Variants in WDR70 observed in about 807,000 individuals in gnomAD.
WDR70 encodes the protein WD repeat domain 70.
WDR70 carries 53 observed loss-of-function variants against 88.6 expected under a neutral mutation model. The observed-to-expected ratio is 0.60, with a 90% CI of 0.48 to 0.75. WDR70 has a LOEUF of 0.75. WDR70 is among the 30% of genes least tolerant of loss of function. WDR70 has a pLI of 0.00. For synonymous variants in WDR70, 280 were observed against 270.0 expected (o/e 1.04, Z -0.36); for missense variants, 610 against 823.2 (o/e 0.74, Z 3.17).
intron 10 of WDR70, among the ~76,000 whole-genome samples, chr5:37,649,537 A>T (rs1392778036): frequency 6.7e-6 from 1 of 150,268 alleles, no homozygotes; most frequent in Non-Finnish European, 1.5e-5. Context: ...GGGAAGCATC[A>T]TGGGAAGTGG....
intron 8 of WDR70, among the ~76,000 whole-genome samples, chr5:37,515,650 A>G (rs920988696): frequency 3.3e-5 from 5 of 152,142 alleles, no homozygotes; most frequent in African/African-American, 1.2e-4. Context: ...AGTTACTGTT[A>G]TTTTTCTTGT....
At chr5:37,447,578 A>C (rs4869507) in intron 7 of WDR70, among the ~76,000 whole-genome samples, 130,415 of 152,068 alleles carry the variant, frequency 0.86, 59,402 homozygotes, top group East Asian at 1. Flanking sequence ...AAAATGTTGC[A>C]CATATACACC....
chr5:37,742,998 A>G lies in WDR70; in HGVS notation c.1878-9488A>G, dbSNP rs186285551. Among the ~76,000 whole-genome samples the G allele has an allele frequency of 1.1e-4, 16 of 152,364 alleles. No homozygotes were observed. The East Asian group carries it at 3.1e-3, about 29-fold the overall frequency. On this transcript the variant is annotated intron_variant, in intron 17 of 17. Transcript: ENST00000265107. Reference sequence around the variant, plus strand: ...GTGATGCCTTGAAATATCACATGAAATATTACGGGCAGGGCCAAGATGGCC... The same window carrying G: ...GTGATGCCTTGAAATATCACATGAAGTATTACGGGCAGGGCCAAGATGGCC...
At chr5:37,506,727 T>G in intron 8 of WDR70, 1 of 897,658 alleles carries the variant, frequency 1.1e-6, no homozygotes, top group Non-Finnish European at 1.9e-6. Context: ...ACCTTTCTCA[T>G]TATACACACT....
At chr5:37,690,799 A>G (rs1746768518) in intron 10 of WDR70, among the ~76,000 whole-genome samples, 1 of 152,266 alleles carries the variant, frequency 6.6e-6, no homozygotes, top group African/African-American at 2.4e-5. Context: ...AAACTGCATC[A>G]ATTAATGGAC....
At chr5:37,529,063 A>G (rs1581369563) in intron 9 of WDR70, among the ~76,000 whole-genome samples, 1 of 152,066 alleles carries the variant, frequency 6.6e-6, no homozygotes, top group Non-Finnish European at 1.5e-5. Context: ...TCCAAGCACC[A>G]TTTATTGAAT....
intron 3 of WDR70, among the ~76,000 whole-genome samples, chr5:37,385,198 A>G (rs72736794): frequency 0.03 from 4,629 of 152,084 alleles, 95 homozygotes; most frequent in Non-Finnish European, 0.049. Flanking sequence ...GTGTTCAGCT[A>G]CCCTGAAGCT....
chr5:37,421,069 G>A (rs1406595535), intron 5 of WDR70, among the ~76,000 whole-genome samples: 4 of 152,216 alleles, frequency 2.6e-5, no homozygotes, highest in Non-Finnish European at 5.9e-5. Context: ...GTGAAGTGGA[G>A]GTACAGTTAT....
chr5:37,415,497 GGGT>G (rs1235768856), intron 5 of WDR70, among the ~76,000 whole-genome samples: 5,302 of 67,198 alleles, frequency 0.079, 1,088 homozygotes, highest in African/African-American at 0.31. Context: ...GGGCGGCTGG[GGGT>G]GGGGGGGGCC....
intron 13 of WDR70, among the ~76,000 whole-genome samples, chr5:37,710,626 T>TA (rs1449764302): frequency 1.3e-5 from 2 of 151,922 alleles, no homozygotes; most frequent in Non-Finnish European, 2.9e-5. Context: ...TGCAACAATA[T>TA]AAAAAATGCA....
intron 8 of WDR70, among the ~76,000 whole-genome samples, chr5:37,488,777 T>C (rs1427246847): frequency 6.6e-6 from 1 of 152,226 alleles, no homozygotes; most frequent in Admixed American, 6.5e-5. Flanking sequence ...CGAATTTTTT[T>C]CAGACATTTC....
chr5:37,566,852 T>C (rs1211606096), intron 9 of WDR70, among the ~76,000 whole-genome samples: 1 of 152,202 alleles, frequency 6.6e-6, no homozygotes, highest in Non-Finnish European at 1.5e-5. Flanking sequence ...AGTGAGGAGA[T>C]ATGCTGTATA....
Position 37,752,734 on chromosome 5 carries a change from T to C in WDR70, c.*161T>C. 1.7e-6 allele frequency: 1 copy of C among 578,912 alleles called. No individual in the cohort carries two copies. The highest frequency in any genetic ancestry group is 3.0e-6 in the Non-Finnish European group (1 of 331,990). The allele number at this position is 578,912 out of a possible 1,614,324, so 35.9% of individuals were successfully genotyped here. A position where few individuals can be genotyped will look rare whatever the true frequency, so the allele number is the denominator to read the frequency against. On this transcript the variant is annotated 3_prime_UTR_variant, in exon 18 of 18. Coordinates refer to ENST00000265107, the MANE Select transcript of WDR70 (RefSeq NM_018034.4). ...GTTTGGTGGCTAGGCTTCACTAAAATTGTGCTTAAATTTTCTTACCTGCAA... is the reference window on the plus strand; with the variant it reads ...GTTTGGTGGCTAGGCTTCACTAAAACTGTGCTTAAATTTTCTTACCTGCAA...
At chr5:37,679,123 A>G (rs998230840) in intron 10 of WDR70, among the ~76,000 whole-genome samples, 3 of 151,932 alleles carry the variant, frequency 2.0e-5, no homozygotes, top group African/African-American at 4.8e-5. Flanking sequence ...TATTCTAGTT[A>G]TACATTCGTC....
chr5:37,664,306 A>G (rs1745778944), intron 10 of WDR70, among the ~76,000 whole-genome samples: 1 of 152,250 alleles, frequency 6.6e-6, no homozygotes, highest in Non-Finnish European at 1.5e-5. Flanking sequence ...TAAACTCCAT[A>G]GAAGGGCATA....
At chr5:37,657,313 G>T (rs1005452961) in intron 10 of WDR70, among the ~76,000 whole-genome samples, 2 of 152,118 alleles carry the variant, frequency 1.3e-5, no homozygotes, top group Non-Finnish European at 2.9e-5. Context: ...GCCCTCGTGG[G>T]CTGTACCCAC....
intron 17 of WDR70, among the ~76,000 whole-genome samples, chr5:37,746,409 CAAGAAATAACT>C (rs1748639373): frequency 6.6e-6 from 1 of 151,800 alleles, no homozygotes; most frequent in African/African-American, 2.4e-5. Context: ...TAGCAGAAGA[CAAGAAATAACT>C]AAGAGAAGAA....
chr5:37,513,304 A>C (rs1287671363), intron 8 of WDR70, among the ~76,000 whole-genome samples: 2 of 152,212 alleles, frequency 1.3e-5, no homozygotes, highest in African/African-American at 4.8e-5. Flanking sequence ...ATGTAAACTG[A>C]GAGTGAAATA....
intron 5 of WDR70, among the ~76,000 whole-genome samples, chr5:37,405,539 C>T (rs1351934002): frequency 2.0e-5 from 3 of 151,808 alleles, no homozygotes; most frequent in Non-Finnish European, 4.4e-5. Flanking sequence ...TTTATGTTTC[C>T]AGTTTCCACA....
Sources: gnomAD v4.1 joint callset for allele counts (sites outside exome capture counted in the v4.1 genomes callset) on GRCh38, gnomAD v4.1.1 for gene constraint, MANE v1.5 for transcripts, NCBI Gene and HGNC (gene_info 2026-07-23, HGNC 2026-07-21) for gene names.